The following SMYD3 variants were observed in gnomAD, a reference collection of about 807,000 sequenced individuals.
SMYD3 encodes SET and MYND domain containing 3.
SMYD3 carries 36 observed loss-of-function variants against 57.7 expected under a neutral mutation model. The ratio of observed to expected loss-of-function variants is 0.62; its 90% confidence interval spans 0.48 to 0.82. The LOEUF (loss-of-function observed/expected upper bound fraction) is 0.82, where lower values mean the gene tolerates loss of function less well. Ranked by LOEUF, SMYD3 falls within the 40% of genes least tolerant of loss-of-function variation. The pLI is 0.00. For missense variants in SMYD3, 515 were observed against 538.8 expected, an observed-to-expected ratio of 0.96 and a Z score of 0.44; for synonymous variants, 211 against 195.0, an observed-to-expected ratio of 1.08 and a Z score of -0.68.
chr1:246,365,203 T>C (rs1318565815), intron 1 of SMYD3, among the ~76,000 whole-genome samples: 2 of 151,522 alleles, frequency 1.3e-5, no homozygotes, highest in African/African-American at 4.9e-5. Context: ...AGGTACCATA[T>C]AAGAGTTAGA....
intron 10 of SMYD3, among the ~76,000 whole-genome samples, chr1:245,783,567 A>AG (rs150550550): frequency 6.6e-6 from 1 of 152,206 alleles, no homozygotes; most frequent in African/African-American, 2.4e-5. Context: ...CAAAAAAAAA[A>AG]TAACAGGATA....
intron 10 of SMYD3, among the ~76,000 whole-genome samples, chr1:245,832,686 A>C (rs907947273): frequency 3.9e-5 from 6 of 152,146 alleles, no homozygotes; most frequent in African/African-American, 1.4e-4. Flanking sequence ...GACCATTAGA[A>C]GTTATATGGA....
At chr1:246,107,100 C>CCAGCCTGGCTAA (rs371948645) in intron 5 of SMYD3, among the ~76,000 whole-genome samples, 1 of 139,960 alleles carries the variant, frequency 7.1e-6, no homozygotes, top group Admixed American at 7.4e-5. Flanking sequence ...GAGATCGAGA[C>CCAGCCTGGCTAA]CACGGTGAAA....
rs1307881494 is a variant in SMYD3 at position 246,481,621 on chromosome 1, T to TATATATATATACAC, written c.164+25432_164+25433insGTGTATATATATAT. 1.3e-3 allele frequency among the ~76,000 whole-genome samples: 127 copies of TATATATATATACAC among 98,464 alleles called. 4 individuals are homozygous for TATATATATATACAC. Among genetic ancestry groups the TATATATATATACAC allele is most frequent in the East Asian group, 2.2e-3 (6 of 2,736 alleles). 64.6% of individuals were successfully genotyped at this position (98,464 alleles called of 152,430 possible). On this transcript the variant is annotated intron_variant, in intron 1 of 11. Coordinates refer to ENST00000490107, the MANE Select transcript of SMYD3 (RefSeq NM_001167740.2). Reference sequence around the variant, plus strand: ...ATATATATATATACACATACATATATACATACATACATACACATATTCATA... The same window carrying TATATATATATACAC: ...ATATATATATATACACATACATATATATATATATATACACACATACATACATACACATATTCATA...
intron 5 of SMYD3, among the ~76,000 whole-genome samples, chr1:245,978,622 C>A (rs527551073): frequency 1.3e-5 from 2 of 152,260 alleles, no homozygotes; most frequent in South Asian, 2.1e-4. Flanking sequence ...TGTCCTAAAT[C>A]CTCCAGAGCA....
intron 5 of SMYD3, among the ~76,000 whole-genome samples, chr1:246,291,002 G>T (rs2064678493): frequency 6.6e-6 from 1 of 151,738 alleles, no homozygotes; most frequent in Admixed American, 6.6e-5. Flanking sequence ...TTGTTACCTT[G>T]TGATGGGACA....
intron 1 of SMYD3, among the ~76,000 whole-genome samples, chr1:246,396,528 T>C (rs1311838177): frequency 2.0e-5 from 3 of 152,318 alleles, no homozygotes; most frequent in Middle Eastern, 3.4e-3. Flanking sequence ...AAGAACAAAC[T>C]ATTATGCAAC....
intron 5 of SMYD3, among the ~76,000 whole-genome samples, chr1:246,167,913 T>C (rs545880506): frequency 1.3e-5 from 2 of 152,370 alleles, no homozygotes; most frequent in Admixed American, 6.5e-5. Flanking sequence ...AAAGGTCTAT[T>C]CAACTCCTTT....
intron 1 of SMYD3, among the ~76,000 whole-genome samples, chr1:246,423,882 C>A (rs1319285783): frequency 2.0e-5 from 3 of 152,032 alleles, no homozygotes; most frequent in Non-Finnish European, 4.4e-5. Context: ...AGAAACAGTG[C>A]AAACCAGGAG....
At chr1:246,410,313 T>C (rs1037124898) in intron 1 of SMYD3, among the ~76,000 whole-genome samples, 1 of 152,212 alleles carries the variant, frequency 6.6e-6, no homozygotes, top group Non-Finnish European at 1.5e-5. Context: ...GGGTTTGTCA[T>C]AGATAGCTCT....
chr1:246,450,576 G>C (rs1040897341), intron 1 of SMYD3, among the ~76,000 whole-genome samples: 6 of 152,158 alleles, frequency 3.9e-5, no homozygotes, highest in Non-Finnish European at 7.3e-5. Context: ...TTAAGACATA[G>C]GCATTCCACT....
At chr1:246,397,760 G>A (rs910161217) in intron 1 of SMYD3, among the ~76,000 whole-genome samples, 3 of 152,034 alleles carry the variant, frequency 2.0e-5, no homozygotes, top group East Asian at 3.9e-4. Context: ...CCACAAGCTC[G>A]GGGACCAGGG....
At chr1:246,011,970 A>G (rs889505945) in intron 5 of SMYD3, among the ~76,000 whole-genome samples, 2 of 152,280 alleles carry the variant, frequency 1.3e-5, no homozygotes, top group Admixed American at 1.3e-4. Context: ...GCTTGCTGGT[A>G]CTGGCTGTCA....
intron 5 of SMYD3, among the ~76,000 whole-genome samples, chr1:246,265,308 T>G (rs1221444997): frequency 1.1e-5 from 1 of 94,860 alleles, no homozygotes; most frequent in African/African-American, 3.6e-5. Flanking sequence ...ATTTTTGTAT[T>G]TTTTTTTTTT....
At position 246,355,003 on chromosome 1, in the gene SMYD3, T is replaced by A; in HGVS notation, c.228+28A>T. ...TTTAAGAGTAAAGAATTTGAAAGCT[T>A]CACTTATATATGGCTGAAAAGTCTT... On this transcript the variant is annotated intron_variant, in intron 2 of 11. Coordinates refer to ENST00000490107, the MANE Select transcript of SMYD3 (RefSeq NM_001167740.2). This position sits in a 1 kb window ranked among gnomAD's most constrained non-coding sequence, Gnocchi z 5.0. 1 of 1,608,108 alleles carries A rather than the reference T, an allele frequency of 6.2e-7. No individual in the cohort carries two copies. Among genetic ancestry groups the A allele is most frequent in the Non-Finnish European group, 8.5e-7 (1 of 1,175,228 alleles).
At chr1:246,095,655 A>G (rs1300730489) in intron 5 of SMYD3, among the ~76,000 whole-genome samples, 1 of 152,244 alleles carries the variant, frequency 6.6e-6, no homozygotes, top group African/African-American at 2.4e-5. Flanking sequence ...CCTTAAACCC[A>G]GCTGCTTTCT....
chr1:246,436,472 C>T (rs1169840238), intron 1 of SMYD3, among the ~76,000 whole-genome samples: 1 of 152,170 alleles, frequency 6.6e-6, no homozygotes, highest in Non-Finnish European at 1.5e-5. Context: ...CCCATCTACC[C>T]CTTCACTCAG....
chr1:246,472,818 A>G (rs1438658569), intron 1 of SMYD3, among the ~76,000 whole-genome samples: 2 of 141,588 alleles, frequency 1.4e-5, no homozygotes, highest in African/African-American at 5.3e-5. Flanking sequence ...TAACTATTTC[A>G]TTTCAGGGAG....
chr1:245,856,803 G>A (rs926500182), intron 10 of SMYD3, among the ~76,000 whole-genome samples: 11 of 152,174 alleles, frequency 7.2e-5, no homozygotes, highest in African/African-American at 2.7e-4. Context: ...AGCCAAGAGT[G>A]AGGAACCAGC....
Sources: gnomAD v4.1 joint callset for allele counts (sites outside exome capture counted in the v4.1 genomes callset) on GRCh38, gnomAD v4.1.1 for gene constraint, Gnocchi (gnomAD v3.1) non-coding constraint, MANE v1.5 for transcripts, NCBI Gene and HGNC (gene_info 2026-07-23, HGNC 2026-07-21) for gene names.